FMN2: variants seen among roughly 807,000 people sequenced by gnomAD.
The protein encoded by FMN2 is formin 2.
Under a neutral mutation model 142.3 loss-of-function variants are expected in FMN2, and 51 were observed. The observed-to-expected ratio is 0.36, with a 90% CI of 0.29 to 0.45. The LOEUF is 0.45. Ranked by LOEUF, FMN2 falls within the 20% of genes least tolerant of loss-of-function variation. The pLI, the probability that FMN2 is intolerant of heterozygous loss-of-function variation, is 1.00. For synonymous variants in FMN2, 882 were observed against 869.8 expected (o/e 1.01, Z -0.25); for missense variants, 1,936 against 2,122.8 (o/e 0.91, Z 1.73).
At chr1:240,317,394 C>T (rs1045636498) in intron 8 of FMN2, among the ~76,000 whole-genome samples, 8 of 152,160 alleles carry the variant, frequency 5.3e-5, no homozygotes, top group African/African-American at 1.9e-4. Context: ...CTTGTAATTA[C>T]ACCATCTCTT....
intron 1 of FMN2, 59 bp from the exon 2 acceptor site, chr1:240,123,120 C>T (rs1006973471): frequency 9.4e-6 from 15 of 1,592,530 alleles, no homozygotes; most frequent in African/African-American, 4.0e-5. Flanking sequence ...TGTCCCCTGG[C>T]GAGTTCAGAG....
chr1:240,213,216 A>C (rs961611539), intron 6 of FMN2, among the ~76,000 whole-genome samples: 4 of 152,092 alleles, frequency 2.6e-5, no homozygotes, highest in Non-Finnish European at 5.9e-5. Context: ...GCATTTCATA[A>C]ATTGTCGGTA....
At chr1:240,192,192 G>C (rs1665725857) in intron 4 of FMN2, among the ~76,000 whole-genome samples, 1 of 152,140 alleles carries the variant, frequency 6.6e-6, no homozygotes, top group Non-Finnish European at 1.5e-5. Flanking sequence ...TTATGCAGTG[G>C]CCACTCAGTT....
intron 2 of FMN2, among the ~76,000 whole-genome samples, chr1:240,159,911 A>ATATATATATATATATATCTGTG (rs1558328468): frequency 1.0e-4 from 8 of 79,308 alleles, no homozygotes; most frequent in African/African-American, 5.5e-4. Flanking sequence ...CTGTGTATAT[A>ATATATATATATATATATCTGTG]TATATATATA....
intron 6 of FMN2, among the ~76,000 whole-genome samples, chr1:240,254,819 AG>A (rs1047889102): frequency 1.3e-5 from 2 of 152,136 alleles, no homozygotes; most frequent in Non-Finnish European, 2.9e-5. Context: ...GGAGGATATC[AG>A]GGGAGCCCCG....
chr1:240,301,345 T>G (rs1670189502), intron 8 of FMN2, among the ~76,000 whole-genome samples: 1 of 151,860 alleles, frequency 6.6e-6, no homozygotes, highest in Admixed American at 6.6e-5. Context: ...TTAACTTATT[T>G]TGTTGTGACG....
intron 6 of FMN2, among the ~76,000 whole-genome samples, chr1:240,241,123 A>G (rs1013459263): frequency 3.3e-5 from 5 of 152,152 alleles, no homozygotes; most frequent in Non-Finnish European, 7.4e-5. Flanking sequence ...GAAATTTAGA[A>G]ATGCAACCTG....
At chr1:240,099,328 A>C (rs1661330577) in intron 1 of FMN2, among the ~76,000 whole-genome samples, 1 of 151,630 alleles carries the variant, frequency 6.6e-6, no homozygotes, top group Admixed American at 6.6e-5. Flanking sequence ...TTTTTTTGCA[A>C]ATTGTTTATG....
chr1:240,357,553 G>A lies in FMN2; in HGVS notation c.4858+1645G>A, dbSNP rs73126264. Among the ~76,000 whole-genome samples the A allele has an allele frequency of 3.7e-3, 568 of 151,760 alleles. 6 individuals are homozygous for A. Among genetic ancestry groups the A allele is most frequent in the African/African-American group, 0.013 (545 of 41,378 alleles). ...GTTCCCTGGTAGGAAAGACGGGATT[G>A]CCCAGTCATACTAACTGTGTAAGTA... is the stretch of plus-strand genomic sequence containing the variant. On this transcript the variant is annotated intron_variant, in intron 14 of 17. Coordinates refer to ENST00000319653, the MANE Select transcript of FMN2 (RefSeq NM_020066.5).
At chr1:240,106,891 C>T (rs997172560) in intron 1 of FMN2, among the ~76,000 whole-genome samples, 10 of 151,778 alleles carry the variant, frequency 6.6e-5, no homozygotes, top group African/African-American at 2.2e-4. Context: ...ACCATGTTGG[C>T]CAGGCTGGTC....
At chr1:240,406,491 A>G (rs1674205606) in intron 15 of FMN2, among the ~76,000 whole-genome samples, 1 of 152,190 alleles carries the variant, frequency 6.6e-6, no homozygotes, top group African/African-American at 2.4e-5. Flanking sequence ...ATCCAGGTAT[A>G]GCCCCTTTTA....
At chr1:240,239,865 C>T (rs1667831520) in intron 6 of FMN2, among the ~76,000 whole-genome samples, 2 of 152,176 alleles carry the variant, frequency 1.3e-5, no homozygotes, top group Non-Finnish European at 2.9e-5. Context: ...AACATTTTCT[C>T]TATCAAACTT....
chr1:240,253,273 C>T (rs551977267), intron 6 of FMN2, among the ~76,000 whole-genome samples: 1 of 102,612 alleles, frequency 9.7e-6, no homozygotes, highest in South Asian at 3.2e-4. Context: ...CTGGCCTGTT[C>T]ATTCATTTTT....
At chr1:240,164,011 T>C (rs1010276973) in intron 2 of FMN2, among the ~76,000 whole-genome samples, 13 of 152,256 alleles carry the variant, frequency 8.5e-5, no homozygotes, top group African/African-American at 3.1e-4. Context: ...TAGCTAGGAC[T>C]ACACTACAGG....
intron 13 of FMN2, among the ~76,000 whole-genome samples, chr1:240,352,144 T>C (rs1672116068): frequency 6.6e-6 from 1 of 152,160 alleles, no homozygotes; most frequent in Non-Finnish European, 1.5e-5. Context: ...CTTTCCTCAT[T>C]GGGATTGAAA....
At chr1:240,102,045 TCTTA>T (rs909745934) in intron 1 of FMN2, among the ~76,000 whole-genome samples, 5 of 152,322 alleles carry the variant, frequency 3.3e-5, no homozygotes, top group South Asian at 2.1e-4. Context: ...CTATTAATTC[TCTTA>T]CTTCAATATA....
At chr1:240,401,153 C>T (rs1045774107) in intron 15 of FMN2, 4 of 150,038 alleles carry the variant, frequency 2.7e-5, no homozygotes, top group African/African-American at 9.8e-5. Context: ...TAGACATGCA[C>T]ATACACATAT....
chr1:240,304,948 A>G (rs1311898951), intron 8 of FMN2, among the ~76,000 whole-genome samples: 3 of 152,188 alleles, frequency 2.0e-5, no homozygotes, highest in African/African-American at 7.2e-5. Context: ...GTAGACCCCA[A>G]AGTTTCCAAC....
intron 8 of FMN2, among the ~76,000 whole-genome samples, chr1:240,324,160 C>G (rs1671071014): frequency 6.6e-6 from 1 of 152,188 alleles, no homozygotes; most frequent in Non-Finnish European, 1.5e-5. Flanking sequence ...GCACCAATTT[C>G]AAGCCTGCTT....
Sources: allele counts gnomAD v4.1 joint callset (sites outside exome capture counted in the v4.1 genomes callset), GRCh38; gene constraint gnomAD v4.1.1; transcripts MANE v1.5; gene names NCBI Gene and HGNC (gene_info 2026-07-23, HGNC 2026-07-21).